RUNX2: variants seen among roughly 807,000 people sequenced by gnomAD.
RUNX2 encodes the protein runt-related transcription factor 2.
In RUNX2, 10 loss-of-function variants were observed where a neutral mutation model predicts 51.7. That is an observed-to-expected ratio of 0.19 (90% confidence interval 0.12 to 0.33). The LOEUF (loss-of-function observed/expected upper bound fraction) is 0.33. RUNX2 is among the 10% of genes least tolerant of loss of function. RUNX2 has a pLI of 1.00. For missense variants in RUNX2, 562 were observed against 691.3 expected (o/e 0.81, Z 2.10); for synonymous variants, 276 against 273.6 (o/e 1.01, Z -0.09).
Position 45,549,636 on chromosome 6 carries a change from A to T in RUNX2, c.*2331A>T. On this transcript the variant is annotated 3_prime_UTR_variant, in exon 9 of 9. Coordinates refer to ENST00000647337, the MANE Select transcript of RUNX2 (RefSeq NM_001024630.4). ...TGTTTCAGCAGCACTTAAAAAAGCC[A>T]GTGTCTGGTTACACATTTCAATTTT... is the stretch of plus-strand genomic sequence containing the variant. The T allele has an allele frequency of 2.8e-6, 1 of 358,008 alleles. No homozygotes were observed. The highest frequency in any genetic ancestry group is 5.0e-6 in the Non-Finnish European group (1 of 200,876). 22.2% of individuals were successfully genotyped at this position (358,008 alleles called of 1,614,324 possible). A position where few individuals can be genotyped will look rare whatever the true frequency, so the allele number is the denominator to read the frequency against.
chr6:45,386,021 G>A (rs1385759948), intron 2 of RUNX2, among the ~76,000 whole-genome samples: 6 of 151,304 alleles, frequency 4.0e-5, no homozygotes, highest in Admixed American at 2.6e-4. Flanking sequence ...GATTCCAGCA[G>A]GCTCCAGTCT....
rs138806539 is a variant in RUNX2 at position 45,436,638 on chromosome 6, G to A, written c.581-1309G>A. ...TTATACTCAGTAACAAATGATGTGC[G>A]TCTTAAACAGATTTTAGGAACTTAC... is the stretch of plus-strand genomic sequence containing the variant. On this transcript the variant is annotated intron_variant, in intron 4 of 8. Transcript: ENST00000647337. 1.3e-3 allele frequency among the ~76,000 whole-genome samples: 203 copies of A among 152,150 alleles called. 1 individual carries two copies. Among genetic ancestry groups the A allele is most frequent in the African/African-American group, 4.4e-3 (181 of 41,510 alleles).
chr6:45,529,332 CA>C (rs1446483684), intron 7 of RUNX2, among the ~76,000 whole-genome samples: 2 of 152,114 alleles, frequency 1.3e-5, no homozygotes, highest in East Asian at 3.9e-4. Context: ...TCCCAGTGAC[CA>C]AACCTACTCA....
chr6:45,375,100 G>A (rs1342347130), intron 2 of RUNX2, among the ~76,000 whole-genome samples: 9 of 152,152 alleles, frequency 5.9e-5, no homozygotes, highest in African/African-American at 9.7e-5. Context: ...CCAGCTACTC[G>A]GGAGGCTGAG....
At chr6:45,376,420 C>T (rs1055133751) in intron 2 of RUNX2, among the ~76,000 whole-genome samples, 51 of 152,228 alleles carry the variant, frequency 3.4e-4, no homozygotes, top group African/African-American at 1.1e-3. Context: ...GGTATTTAAA[C>T]GTAAATCAAT....
chr6:45,417,610 C>A (rs779183920), intron 2 of RUNX2, among the ~76,000 whole-genome samples: 7 of 152,124 alleles, frequency 4.6e-5, no homozygotes, highest in Non-Finnish European at 1.0e-4. Flanking sequence ...GGTCTTGCAT[C>A]CCTTTCACTT....
intron 5 of RUNX2, among the ~76,000 whole-genome samples, chr6:45,479,174 G>A (rs191226560): frequency 2.1e-3 from 317 of 152,256 alleles, no homozygotes; most frequent in African/African-American, 7.0e-3. Flanking sequence ...TCAATGAAAG[G>A]TCCATGAAAG....
intron 2 of RUNX2, among the ~76,000 whole-genome samples, chr6:45,372,980 T>A (rs1796298620): frequency 6.6e-6 from 1 of 152,160 alleles, no homozygotes; most frequent in Non-Finnish European, 1.5e-5. Context: ...GGCTAATTTT[T>A]GTATTTTTAG....
rs114514186 is a variant in RUNX2, at chr6:45,407,750, A to G, written c.59-14843A>G. The stretch of plus-strand genomic sequence containing the variant: ...CCTGGCCTCAAGCGATTCTCCTGCC[A>G]TGGCCTCCCAAAATACTGGGATTAT... On this transcript the variant is annotated intron_variant, in intron 2 of 8. Coordinates refer to ENST00000647337, the MANE Select transcript of RUNX2 (RefSeq NM_001024630.4). Among the ~76,000 whole-genome samples the G allele has an allele frequency of 3.5e-3, 529 of 151,912 alleles. 5 individuals are homozygous for G. Among genetic ancestry groups the G allele is most frequent in the African/African-American group, 0.012 (501 of 41,438 alleles).
At chr6:45,448,719 TTA>T (rs1431282680) in intron 5 of RUNX2, among the ~76,000 whole-genome samples, 1 of 152,098 alleles carries the variant, frequency 6.6e-6, no homozygotes, top group Non-Finnish European at 1.5e-5. Context: ...CTCCTTGGAG[TTA>T]AATTTTATGA....
chr6:45,404,259 C>CAAAAAAAAAAAAAAAAAA (rs34529128), intron 2 of RUNX2, among the ~76,000 whole-genome samples: 16 of 27,116 alleles, frequency 5.9e-4, no homozygotes, highest in Non-Finnish European at 7.4e-4. Context: ...GACTCTGTCT[C>CAAAAAAAAAAAAAAAAAA]AAAAAAAAAA....
At chr6:45,422,484 C>A in intron 2 of RUNX2, 109 bp from the exon 3 acceptor site, 2 of 594,002 alleles carry the variant, frequency 3.4e-6, no homozygotes, top group South Asian at 1.7e-5. Context: ...TCTTTCCCCC[C>A]GTCTCGCCTT....
chr6:45,351,928 G>A (rs1792135497), intron 2 of RUNX2, among the ~76,000 whole-genome samples: 2 of 152,038 alleles, frequency 1.3e-5, no homozygotes, highest in Non-Finnish European at 2.9e-5. Context: ...TGACAACTTA[G>A]GCAACAATTA....
intron 6 of RUNX2, among the ~76,000 whole-genome samples, chr6:45,507,195 T>A (rs1800995389): frequency 6.6e-6 from 1 of 152,102 alleles, no homozygotes; most frequent in African/African-American, 2.4e-5. Flanking sequence ...AGACACACCA[T>A]CCAATATAAC....
chr6:45,422,951 C>G lies in RUNX2; in HGVS notation c.417C>G (p.Ala139=). The G allele has an allele frequency of 6.2e-7, 1 of 1,611,024 alleles. No homozygotes were observed. Among genetic ancestry groups the G allele is most frequent in the Non-Finnish European group, 8.5e-7 (1 of 1,179,524 alleles). Residue 139 remains alanine (A), a synonymous_variant, in exon 3 of 9, where the codon GCC becomes GCG. Coordinates refer to ENST00000647337, the MANE Select transcript of RUNX2 (RefSeq NM_001024630.4). ...GCTGCAACAAGACCCTGCCCGTGGC[C>G]TTCAAGGTAAGAGGCTACACCGCCC... ...HWRCNKTLPV[A]FKVVALGEVP... is the part of the protein sequence containing the mutation.
intron 2 of RUNX2, among the ~76,000 whole-genome samples, chr6:45,343,670 T>A (rs1453182534): frequency 6.6e-6 from 1 of 152,214 alleles, no homozygotes; most frequent in Non-Finnish European, 1.5e-5. Flanking sequence ...TATTTCTTCA[T>A]GTTGTCAATG....
chr6:45,463,445 G>A (rs551685987), intron 5 of RUNX2, among the ~76,000 whole-genome samples: 1 of 152,300 alleles, frequency 6.6e-6, no homozygotes, highest in East Asian at 1.9e-4. Context: ...AAAACAAGGA[G>A]ATATTTTCTT....
At chr6:45,475,267 C>T (rs537746868) in intron 5 of RUNX2, among the ~76,000 whole-genome samples, 2 of 152,056 alleles carry the variant, frequency 1.3e-5, no homozygotes, top group East Asian at 3.9e-4. Flanking sequence ...AGTTCAGAAA[C>T]ATTTTTACTT....
At chr6:45,377,679 G>A (rs1369351296) in intron 2 of RUNX2, 1 of 152,268 alleles carries the variant, frequency 6.6e-6, no homozygotes, top group Non-Finnish European at 1.5e-5. Flanking sequence ...GGGGCCCAGC[G>A]ACGCTGGGAT....
Sources: allele counts gnomAD v4.1 joint callset (sites outside exome capture counted in the v4.1 genomes callset), GRCh38; gene constraint gnomAD v4.1.1; transcripts MANE v1.5; gene names NCBI Gene and HGNC (gene_info 2026-07-23, HGNC 2026-07-21).